COBLL1: variants seen among roughly 807,000 people sequenced by gnomAD.
The protein encoded by COBLL1 is cordon-bleu WH2 repeat protein like 1.
Under a neutral mutation model 94.8 loss-of-function variants are expected in COBLL1, and 50 were observed. That is an observed-to-expected ratio of 0.53 (90% CI 0.42 to 0.67). COBLL1 has a LOEUF of 0.67. Ranked by LOEUF, COBLL1 falls within the 30% of genes least tolerant of loss-of-function variation. The pLI, the probability that COBLL1 is intolerant of heterozygous loss-of-function variation, is 0.00. For synonymous variants in COBLL1, 448 were observed against 473.8 expected (o/e 0.95, Z 0.71); for missense variants, 1,362 against 1,348.7 (o/e 1.01, Z -0.15).
intron 2 of COBLL1, among the ~76,000 whole-genome samples, chr2:164,782,809 A>C (rs1179801641): frequency 1.3e-5 from 2 of 152,198 alleles, no homozygotes; most frequent in African/African-American, 2.4e-5. Context: ...CATTCTATAA[A>C]TATATCACAT....
At chr2:164,773,814 T>A (rs1180964567) in intron 2 of COBLL1, 4 of 1,211,984 alleles carry the variant, frequency 3.3e-6, no homozygotes, top group Non-Finnish European at 4.3e-6. Flanking sequence ...CTGTTTATCA[T>A]GTATGTGTAA....
intron 2 of COBLL1, among the ~76,000 whole-genome samples, chr2:164,818,574 A>C (rs917764814): frequency 2.7e-5 from 4 of 148,676 alleles, no homozygotes; most frequent in Non-Finnish European, 5.9e-5. Flanking sequence ...TATATAGCAT[A>C]TATGTACATA....
chr2:164,788,839 C>CAA (rs34224594), intron 2 of COBLL1, among the ~76,000 whole-genome samples: 4,105 of 140,394 alleles, frequency 0.029, 75 homozygotes, highest in South Asian at 0.056. Context: ...TATGTTTAAC[C>CAA]AAAAAAAAAA....
chr2:164,837,398 T>G, intron 2 of COBLL1: 1 of 441,208 alleles, frequency 2.3e-6, no homozygotes, highest in Non-Finnish European at 4.6e-6. Context: ...AATTTACTAA[T>G]TGGATATCCA....
chr2:164,779,713 CCAAA>C (rs1338036198), intron 2 of COBLL1: 4 of 470,878 alleles, frequency 8.5e-6, no homozygotes, highest in Admixed American at 4.7e-5. Flanking sequence ...TTTAGCTCCT[CCAAA>C]CAGAGACCAC....
At chr2:164,787,027 T>A (rs1688992961) in intron 2 of COBLL1, among the ~76,000 whole-genome samples, 1 of 152,152 alleles carries the variant, frequency 6.6e-6, no homozygotes, top group African/African-American at 2.4e-5. Flanking sequence ...TTAACAACCA[T>A]TCCTTCGCCC....
At chr2:164,720,077 T>C (rs1685368334) in intron 7 of COBLL1, among the ~76,000 whole-genome samples, 2 of 152,096 alleles carry the variant, frequency 1.3e-5, no homozygotes, top group Admixed American at 6.5e-5. Flanking sequence ...AGGTATGAAT[T>C]TTTGTGTGCA....
At chr2:164,805,484 GATCT>G (rs1171635839) in intron 2 of COBLL1, among the ~76,000 whole-genome samples, 1 of 149,780 alleles carries the variant, frequency 6.7e-6, no homozygotes, top group East Asian at 2.0e-4. Context: ...AAAATCCCAT[GATCT>G]ATCTATTTAT....
chr2:164,777,234 C>T (rs978245622), intron 2 of COBLL1, among the ~76,000 whole-genome samples: 1 of 151,688 alleles, frequency 6.6e-6, no homozygotes, highest in Non-Finnish European at 1.5e-5. Flanking sequence ...CTGGCATATA[C>T]AAACCTTACT....
intron 2 of COBLL1, among the ~76,000 whole-genome samples, chr2:164,747,195 T>C (rs1023777893): frequency 6.6e-6 from 1 of 152,180 alleles, no homozygotes; most frequent in African/African-American, 2.4e-5. Flanking sequence ...GGGATTTTTT[T>C]TTTAAAATTA....
At chr2:164,805,334 T>TAA (rs1559033563) in intron 2 of COBLL1, among the ~76,000 whole-genome samples, 1 of 59,720 alleles carries the variant, frequency 1.7e-5, no homozygotes, top group African/African-American at 6.4e-5. Flanking sequence ...TCTCTCTCTC[T>TAA]CTCTATATAT....
chr2:164,762,929 C>CTTGT (rs1687755124), intron 2 of COBLL1, among the ~76,000 whole-genome samples: 1 of 152,092 alleles, frequency 6.6e-6, no homozygotes, highest in African/African-American at 2.4e-5. Flanking sequence ...ATCTCTTGAC[C>CTTGT]TTGTGCTCCG....
At chr2:164,731,454 T>C (rs1423014670) in intron 3 of COBLL1, among the ~76,000 whole-genome samples, 2 of 152,222 alleles carry the variant, frequency 1.3e-5, no homozygotes, top group Non-Finnish European at 2.9e-5. Context: ...TTCATATCAC[T>C]GACAGAACAA....
At chr2:164,690,065 C>A (rs1255701894) in intron 13 of COBLL1, among the ~76,000 whole-genome samples, 1 of 152,052 alleles carries the variant, frequency 6.6e-6, no homozygotes, top group Non-Finnish European at 1.5e-5. Context: ...GAATATACTG[C>A]TATTAATTCT....
chr2:164,722,516 C>T lies in COBLL1; in HGVS notation c.668G>A (p.Cys223Tyr), dbSNP rs760397159. ...AATATCTAGGTTTTGTGATATTTGG[C>T]AGGACTCTAAAATAGAAGAAAAGCA... ...LYAMDVNRES[C>Y]QISQNLDIMK... is the part of the protein sequence containing the mutation. Residue 223 changes from cysteine to tyrosine, a missense_variant, in exon 6 of 14, where the codon TGC becomes TAC. Coordinates refer to ENST00000652658, the MANE Select transcript of COBLL1 (RefSeq NM_001365672.2). 4 of 1,473,832 alleles carry T rather than the reference C, an allele frequency of 2.7e-6. No homozygotes were observed. Among genetic ancestry groups the T allele is most frequent in the South Asian group, 1.4e-5 (1 of 71,040 alleles). 91.3% of individuals were successfully genotyped at this position (1,473,832 alleles called of 1,614,324 possible).
chr2:164,839,763 T>C (rs976319465), intron 2 of COBLL1, among the ~76,000 whole-genome samples: 1 of 152,192 alleles, frequency 6.6e-6, no homozygotes, highest in African/African-American at 2.4e-5. Context: ...GAACCTTGCT[T>C]GTATGCTCAA....
chr2:164,785,550 C>A (rs1415562700), intron 2 of COBLL1, among the ~76,000 whole-genome samples: 1 of 152,080 alleles, frequency 6.6e-6, no homozygotes, highest in East Asian at 1.9e-4. Flanking sequence ...ATAGGCAAAG[C>A]CCTTCATGAT....
intron 2 of COBLL1, among the ~76,000 whole-genome samples, chr2:164,795,744 G>C (rs1051986006): frequency 6.6e-6 from 1 of 152,140 alleles, no homozygotes; most frequent in Non-Finnish European, 1.5e-5. Context: ...CCTGATAATA[G>C]TGTGATCAAC....
rs2105405482 is a variant in COBLL1 at position 164,841,421 on chromosome 2, T to TC, written c.-50-176dup. The TC allele has an allele frequency of 8.6e-7, 1 of 1,157,290 alleles. No homozygotes were observed. The highest frequency in any genetic ancestry group is 4.7e-5 in the Admixed American group (1 of 21,270). The allele number at this position is 1,157,290 out of a possible 1,614,324, so 71.7% of individuals were successfully genotyped here. A position where few individuals can be genotyped will look rare whatever the true frequency, so the allele number is the denominator to read the frequency against. The stretch of plus-strand genomic sequence containing the variant: ...CCAGCCCGCGGGCGCCGCCGCCGTC[T>TC]CTACAAGGTCTAGCGGGCGCCCAGA... On this transcript the variant is annotated intron_variant, in intron 1 of 13. Transcript: ENST00000652658. The surrounding 1 kb of genome is among the most constrained non-coding windows in gnomAD (Gnocchi z 5.5).
Sources: allele counts gnomAD v4.1 joint callset (sites outside exome capture counted in the v4.1 genomes callset), GRCh38; gene constraint gnomAD v4.1.1; non-coding constraint Gnocchi (gnomAD v3.1); transcripts MANE v1.5; gene names NCBI Gene and HGNC (gene_info 2026-07-23, HGNC 2026-07-21).